The following FLNB variants were observed in gnomAD, a reference collection of about 807,000 sequenced individuals.
FLNB encodes filamin B.
In FLNB, 111 loss-of-function variants were observed where a neutral mutation model predicts 250.6. The observed-to-expected ratio is 0.44, with a 90% CI of 0.38 to 0.52. The LOEUF is 0.52. FLNB is among the 20% of genes least tolerant of loss of function. The pLI is 0.00. For missense variants in FLNB, 2,869 were observed against 3,447.8 expected, an observed-to-expected ratio of 0.83 and a Z score of 4.20; for synonymous variants, 1,302 against 1,372.1, an observed-to-expected ratio of 0.95 and a Z score of 1.13.
In FLNB at chr3:58,148,849, G is replaced by A. The variant is rs1440997700; in HGVS notation, c.6088G>A (p.Ala2030Thr). 1 of 1,611,690 alleles carries A rather than the reference G, an allele frequency of 6.2e-7. No homozygotes were observed. The highest frequency in any genetic ancestry group is 8.5e-7 in the Non-Finnish European group (1 of 1,179,856). The change falls in exon 36 of 46, where the codon GCA (alanine) becomes ACA (threonine). Residue 2030 changes from alanine to threonine, a missense_variant. By Grantham distance (58) the Ala-to-Thr change is moderately conservative. Around this residue, in one of 5 missense-constraint regions of FLNB, gnomAD observed 1,084 missense variants for 1,315.5 expected, o/e 0.82. Coordinates refer to ENST00000295956, the MANE Select transcript of FLNB (RefSeq NM_001457.4). Reference sequence around the variant, plus strand: ...TGACTTCATCGTGGACACAAGGGATGCAGGTCTGTGTGGTCCCAGGGGAGA... The same window carrying A: ...TGACTTCATCGTGGACACAAGGGATACAGGTCTGTGTGGTCCCAGGGGAGA... Reference protein sequence around the residue: ...MSDFIVDTRDAGYGGISLAVE... With the variant: ...MSDFIVDTRDTGYGGISLAVE...
At position 58,123,684 on chromosome 3, in the gene FLNB, G is replaced by C; in HGVS notation, c.3718G>C (p.Gly1240Arg). ...RIKVFGPGIE[G>R]KDVFREATTD... ...CAAAGTCTTTGGACCAGGAATAGAA[G>C]GGAAAGGTGGGTTTCATTTAAAAAA... The change falls in exon 21 of 46, where the codon GGG (glycine) becomes CGG (arginine). Residue 1240 changes from glycine (G) to arginine (R), a missense_variant. Transcript: ENST00000295956. 1.3e-6 allele frequency: 2 copies of C among 1,490,110 alleles called. No individual in the cohort carries two copies. The highest frequency in any genetic ancestry group is 1.2e-5 in the South Asian group (1 of 85,136). 92.3% of individuals were successfully genotyped at this position (1,490,110 alleles called of 1,614,324 possible).
At chr3:58,094,522 C>T (rs2097234438) in intron 4 of FLNB, among the ~76,000 whole-genome samples, 1 of 152,208 alleles carries the variant, frequency 6.6e-6, no homozygotes, top group South Asian at 2.1e-4. Flanking sequence ...ATAAGCTTCG[C>T]TCCTCCCTGC....
At chr3:58,155,035 G>GCCCATACACATAGATTCCTCA in intron 40 of FLNB, 107 bp downstream of exon 40, 1 of 1,132,906 alleles carries the variant, frequency 8.8e-7, no homozygotes, top group Non-Finnish European at 1.3e-6. Flanking sequence ...GAATCTATGT[G>GCCCATACACATAGATTCCTCA]TATGGGCACA....
intron 41 of FLNB, among the ~76,000 whole-genome samples, chr3:58,156,821 T>C (rs1167481487): frequency 6.6e-6 from 1 of 152,164 alleles, no homozygotes; most frequent in Non-Finnish European, 1.5e-5. Context: ...CTCAGCCTCC[T>C]GAGTAGCTGA....
intron 36 of FLNB, 149 bp downstream of exon 36, chr3:58,149,001 C>T: frequency 1.3e-6 from 1 of 758,342 alleles, no homozygotes; most frequent in Non-Finnish European, 2.2e-6. Context: ...TCTTTTATGC[C>T]TCATGACCAT....
intron 1 of FLNB, among the ~76,000 whole-genome samples, chr3:58,018,252 G>C (rs2097108565): frequency 6.7e-6 from 1 of 150,080 alleles, no homozygotes; most frequent in African/African-American, 2.5e-5. Context: ...TCCTTTTAAA[G>C]TATCAGGCCT....
At chr3:58,090,744 A>C (rs1413567234) in intron 4 of FLNB, among the ~76,000 whole-genome samples, 1 of 152,166 alleles carries the variant, frequency 6.6e-6, no homozygotes, top group Non-Finnish European at 1.5e-5. Context: ...AGTGGGGTTT[A>C]TTGCAGGGAT....
At chr3:58,089,939 A>G (rs1458649728) in intron 4 of FLNB, among the ~76,000 whole-genome samples, 1 of 151,974 alleles carries the variant, frequency 6.6e-6, no homozygotes, top group Non-Finnish European at 1.5e-5. Flanking sequence ...GGTGCCCACC[A>G]CCACTTCTGG....
In FLNB at chr3:58,033,133, A is replaced by C. The variant is rs141457104; in HGVS notation, c.292+24277A>C. On this transcript the variant is annotated intron_variant, in intron 1 of 45. Coordinates refer to ENST00000295956, the MANE Select transcript of FLNB (RefSeq NM_001457.4). ...ATTGAGGTATAATTGTTATACAATG[A>C]AGAACACATTTTGATTAGCTTATAC... Among the ~76,000 whole-genome samples the C allele has an allele frequency of 5.3e-5, 8 of 152,318 alleles. No homozygotes were observed. In the East Asian group the frequency reaches 1.5e-3, roughly 29 times the overall value.
chr3:58,051,672 G>A (rs1249243826), intron 1 of FLNB, among the ~76,000 whole-genome samples: 1 of 119,128 alleles, frequency 8.4e-6, no homozygotes, highest in Non-Finnish European at 1.7e-5. Flanking sequence ...TTTGGGGAGG[G>A]CAGTTTTTTT....
chr3:58,139,948 C>A (rs1448952229), intron 29 of FLNB, among the ~76,000 whole-genome samples: 2 of 152,094 alleles, frequency 1.3e-5, no homozygotes, highest in Admixed American at 1.3e-4. Flanking sequence ...TGGAGGCTTC[C>A]AAACTCAGTA....
intron 6 of FLNB, 80 bp downstream of exon 6, chr3:58,096,298 T>C: frequency 2.0e-6 from 2 of 1,009,496 alleles, no homozygotes; most frequent in Non-Finnish European, 3.1e-6. Flanking sequence ...AAGAGTGTTT[T>C]TCTTAAGTGA....
chr3:58,014,395 C>T (rs1199468226), intron 1 of FLNB, among the ~76,000 whole-genome samples: 1 of 152,248 alleles, frequency 6.6e-6, no homozygotes, highest in African/African-American at 2.4e-5. Flanking sequence ...CTGGTCATTC[C>T]AGCCTCCCAC....
intron 4 of FLNB, among the ~76,000 whole-genome samples, chr3:58,087,370 T>G (rs917659813): frequency 6.6e-6 from 1 of 151,946 alleles, no homozygotes; most frequent in African/African-American, 2.4e-5. Context: ...GGAGTGAAGG[T>G]GAAACAAGAC....
chr3:58,102,442 A>G (rs2097252621), intron 9 of FLNB, 102 bp downstream of exon 9: 1 of 1,317,770 alleles, frequency 7.6e-7, no homozygotes, highest in Non-Finnish European at 1.1e-6. Context: ...CAATAATCCC[A>G]GAAGGCTATG....
intron 41 of FLNB, 94 bp from the exon 42 acceptor site, chr3:58,159,460 G>T: frequency 7.9e-7 from 1 of 1,272,102 alleles, no homozygotes. Flanking sequence ...CTATTTGCAT[G>T]AGAACTGTCA....
chr3:58,089,760 A>G (rs2097223167), intron 4 of FLNB, among the ~76,000 whole-genome samples: 1 of 152,204 alleles, frequency 6.6e-6, no homozygotes, highest in South Asian at 2.1e-4. Flanking sequence ...GGAAGGACAG[A>G]GAAAAGAATC....
chr3:58,150,087 C>A lies in FLNB; in HGVS notation c.6245-18C>A. The A allele has an allele frequency of 6.2e-7, 1 of 1,614,280 alleles. No homozygotes were observed. The highest frequency in any genetic ancestry group is 8.5e-7 in the Non-Finnish European group (1 of 1,180,050). ...TTGGCCTCTGGCCTGCTCACAGGAG[C>A]CTTCTTGGGTCTTGCAGGGAGCCCA... On this transcript the variant is annotated intron_variant, in intron 37 of 45. Transcript: ENST00000295956.
At chr3:58,017,198 C>A (rs934700123) in intron 1 of FLNB, among the ~76,000 whole-genome samples, 4 of 152,144 alleles carry the variant, frequency 2.6e-5, no homozygotes, top group Admixed American at 6.6e-5. Context: ...GACGGAATTA[C>A]TGGGTATTTT....
Sources: allele counts gnomAD v4.1 joint callset (sites outside exome capture counted in the v4.1 genomes callset), GRCh38; gene constraint gnomAD v4.1.1; regional missense constraint gnomAD v4.1.1; transcripts MANE v1.5; gene names NCBI Gene and HGNC (gene_info 2026-07-23, HGNC 2026-07-21).